Variants in TDP2 observed in about 807,000 individuals in gnomAD.
The protein encoded by TDP2 is 5'-Tyr-DNA phosphodiesterase.
A neutral mutation model predicts 42.8 loss-of-function variants in TDP2; 38 were observed. The observed-to-expected ratio is 0.89, with a 90% CI of 0.68 to 1.16. The LOEUF (loss-of-function observed/expected upper bound fraction) is 1.16, where lower values mean the gene tolerates loss of function less well. TDP2 is among the 50% of genes most tolerant of loss of function. The pLI is 0.00. For synonymous variants in TDP2, 173 were observed against 150.6 expected, an observed-to-expected ratio of 1.15 and a Z score of -1.09; for missense variants, 439 against 439.3, an observed-to-expected ratio of 1.00 and a Z score of 0.01.
In TDP2 at chr6:24,651,038, A is replaced by G. The variant is rs763995072; in HGVS notation, c.839T>C (p.Ile280Thr). The G allele has an allele frequency of 1.9e-6, 3 of 1,613,758 alleles. No individual in the cohort carries two copies. Among genetic ancestry groups the G allele is most frequent in the Non-Finnish European group, 8.5e-7 (1 of 1,179,838 alleles). ...GCCCAAAAACTCCCAGACATCCACA[A>G]TGTTGTTGGGTAAACCACCACATCT... ...VTRCGGLPNN[I>T]VDVWEFLGKP... The change falls in exon 7 of 7, where the codon ATT becomes ACT. Residue 280 changes from isoleucine (I) to threonine (T), a missense_variant. Transcript: ENST00000378198.
At chr6:24,662,961 G>GTT (rs1278720100) in intron 2 of TDP2, among the ~76,000 whole-genome samples, 1 of 152,138 alleles carries the variant, frequency 6.6e-6, no homozygotes, top group African/African-American at 2.4e-5. Context: ...CATAGACAAA[G>GTT]GTGTTTGCTC....
chr6:24,666,067 T>G, intron 2 of TDP2: 1 of 1,523,122 alleles, frequency 6.6e-7, no homozygotes, highest in Non-Finnish European at 8.8e-7. Context: ...AGAGGGGCAC[T>G]GAAATAACAG....
rs565679865 is a variant in TDP2, at chr6:24,650,681, T to C, written c.*107A>G. 1.8e-6 allele frequency: 2 copies of C among 1,121,632 alleles called. No individual in the cohort carries two copies. The highest frequency in any genetic ancestry group is 2.5e-6 in the Non-Finnish European group (2 of 790,578). 69.5% of individuals were successfully genotyped at this position (1,121,632 alleles called of 1,614,324 possible). Reference sequence around the variant, plus strand: ...AACCATAAATCATAGTTGGTTTTTCTGTGACAATGATCTAGTACATTATTT... The same window carrying C: ...AACCATAAATCATAGTTGGTTTTTCCGTGACAATGATCTAGTACATTATTT... On this transcript the variant is annotated 3_prime_UTR_variant, in exon 7 of 7. Transcript: ENST00000378198.
intron 6 of TDP2, among the ~76,000 whole-genome samples, 154 bp from the exon 7 acceptor site, chr6:24,651,223 G>A (rs1444073140): frequency 6.6e-6 from 1 of 152,056 alleles, no homozygotes; most frequent in Non-Finnish European, 1.5e-5. Context: ...GTACTATGCT[G>A]CATAGTGGTA....
At chr6:24,652,874 A>G in intron 6 of TDP2, 109 bp downstream of exon 6, 1 of 1,226,004 alleles carries the variant, frequency 8.2e-7, no homozygotes, top group Non-Finnish European at 1.2e-6. Context: ...CACTTAAGAC[A>G]TTTTGAGTGA....
chr6:24,658,763 T>C (rs772870880), intron 2 of TDP2, 29 bp from the exon 3 acceptor site: 2 of 1,582,080 alleles, frequency 1.3e-6, no homozygotes, highest in Non-Finnish European at 8.6e-7. Flanking sequence ...AACATGGCTT[T>C]GCAAATAATC....
intron 2 of TDP2, among the ~76,000 whole-genome samples, chr6:24,665,408 G>A (rs1023205959): frequency 1.3e-5 from 2 of 152,064 alleles, no homozygotes; most frequent in South Asian, 4.1e-4. Context: ...AATCACTGTG[G>A]GTGAGTAAAC....
At chr6:24,652,122 T>A (rs1271857934) in intron 6 of TDP2, among the ~76,000 whole-genome samples, 1 of 152,258 alleles carries the variant, frequency 6.6e-6, no homozygotes, top group Non-Finnish European at 1.5e-5. Flanking sequence ...TCATATAGTA[T>A]CTTTTCCTTT....
intron 6 of TDP2, 96 bp downstream of exon 6, chr6:24,652,887 A>G: frequency 7.4e-7 from 1 of 1,355,324 alleles, no homozygotes; most frequent in South Asian, 1.2e-5. Flanking sequence ...TTGAGTGACT[A>G]AAGGTCCTAG....
intron 2 of TDP2, among the ~76,000 whole-genome samples, chr6:24,663,748 C>G (rs1562150654): frequency 6.6e-6 from 1 of 152,188 alleles, no homozygotes; most frequent in Non-Finnish European, 1.5e-5. Context: ...TGAGGCCCAG[C>G]AGAGGCTGGG....
chr6:24,662,816 A>T (rs1224178700), intron 2 of TDP2, among the ~76,000 whole-genome samples: 3 of 152,248 alleles, frequency 2.0e-5, no homozygotes, highest in Non-Finnish European at 2.9e-5. Flanking sequence ...AGAAAAAGCC[A>T]AGTGATTCCA....
intron 2 of TDP2, chr6:24,665,902 G>A (rs1655045541): frequency 2.0e-6 from 1 of 504,100 alleles, no homozygotes; most frequent in Non-Finnish European, 3.2e-6. Flanking sequence ...AGGTAATAAA[G>A]ATCTTTACGA....
intron 2 of TDP2, among the ~76,000 whole-genome samples, chr6:24,665,010 C>G (rs368410817): frequency 6.6e-6 from 1 of 152,110 alleles, no homozygotes; most frequent in East Asian, 1.9e-4. Flanking sequence ...TCTGTTGCAA[C>G]CAACAGACAT....
intron 2 of TDP2, among the ~76,000 whole-genome samples, chr6:24,660,985 C>T (rs553387673): frequency 2.0e-5 from 3 of 152,164 alleles, no homozygotes; most frequent in Non-Finnish European, 4.4e-5. Flanking sequence ...CTTTCCCATT[C>T]CTGGTGATGT....
chr6:24,658,279 A>AATAGATCTTTT (rs1426058082), intron 3 of TDP2, among the ~76,000 whole-genome samples: 1 of 152,228 alleles, frequency 6.6e-6, no homozygotes, highest in African/African-American at 2.4e-5. Context: ...CAGAGCCAGC[A>AATAGATCTTTT]TGGGGCACAA....
At position 24,650,435 on chromosome 6, in the gene TDP2, A is replaced by G. The variant is rs1474363830; in HGVS notation, c.*353T>C. 2.4e-5 allele frequency: 5 copies of G among 205,606 alleles called. No homozygotes were observed. 12.7% of individuals were successfully genotyped at this position (205,606 alleles called of 1,614,324 possible). ...TAATCTCTTATGTTTTCTTTTGAAG[A>G]CTTATTTCAAATATTAACTATTTCG... is the stretch of plus-strand genomic sequence containing the variant. On this transcript the variant is annotated 3_prime_UTR_variant, in exon 7 of 7. Transcript: ENST00000378198.
chr6:24,666,002 GCCAAA>G, intron 2 of TDP2: 1 of 1,373,158 alleles, frequency 7.3e-7, no homozygotes, highest in Admixed American at 3.1e-5. Flanking sequence ...AAGTTATGGA[GCCAAA>G]TAGTAGAGGG....
intron 2 of TDP2, among the ~76,000 whole-genome samples, chr6:24,661,773 C>T (rs1778152927): frequency 6.6e-6 from 1 of 152,090 alleles, no homozygotes; most frequent in African/African-American, 2.4e-5. Flanking sequence ...CCCAAAAGTT[C>T]TCTTATTCAA....
intron 2 of TDP2, among the ~76,000 whole-genome samples, chr6:24,662,329 G>T (rs1778163853): frequency 6.6e-6 from 1 of 152,122 alleles, no homozygotes; most frequent in East Asian, 1.9e-4. Context: ...CCCTGGGAAT[G>T]GAATGTCTCG....
Sources: allele counts gnomAD v4.1 joint callset (sites outside exome capture counted in the v4.1 genomes callset), GRCh38; gene constraint gnomAD v4.1.1; transcripts MANE v1.5; gene names NCBI Gene and HGNC (gene_info 2026-07-23, HGNC 2026-07-21).